Variants in TRPC5 observed in about 807,000 individuals in gnomAD.
The protein encoded by TRPC5 is short transient receptor potential channel 5.
TRPC5 carries 9 observed loss-of-function variants against 56.5 expected under a neutral mutation model. The observed-to-expected ratio is 0.16, with a 90% CI of 0.10 to 0.28. TRPC5 has a LOEUF of 0.28. Ranked by LOEUF, TRPC5 falls within the 10% of genes least tolerant of loss-of-function variation. TRPC5 has a pLI of 1.00. For missense variants in TRPC5, 469 were observed against 748.9 expected, an observed-to-expected ratio of 0.63 and a Z score of 4.36; for synonymous variants, 282 against 278.5, an observed-to-expected ratio of 1.01 and a Z score of -0.13.
intron 7 of TRPC5, among the ~76,000 whole-genome samples, chrX:111,801,164 T>A (rs1002717468): frequency 6.2e-5 from 7 of 112,254 alleles, no homozygotes; most frequent in Non-Finnish European, 1.3e-4. Context: ...GTCCCTTGTG[T>A]GTGTATTCTT....
chrX:111,919,222 A>G (rs1311013855), intron 2 of TRPC5, among the ~76,000 whole-genome samples: 1 of 111,455 alleles, frequency 9.0e-6, no homozygotes, highest in African/African-American at 3.3e-5. Context: ...CACCAATCGG[A>G]ACTCTGTAGC....
chrX:112,023,073 T>G (rs776699556), intron 1 of TRPC5, among the ~76,000 whole-genome samples: 1 of 109,452 alleles, frequency 9.1e-6, no homozygotes, highest in South Asian at 4.0e-4. Flanking sequence ...TAGCTGGGAC[T>G]ACAGGCACCC....
intron 2 of TRPC5, among the ~76,000 whole-genome samples, chrX:111,944,268 G>GTT: frequency 4.8e-5 from 1 of 21,033 alleles, no homozygotes; most frequent in African/African-American, 1.5e-4. Flanking sequence ...GAGTAGAAGA[G>GTT]TGTGTGTGTG....
intron 1 of TRPC5, among the ~76,000 whole-genome samples, chrX:111,983,357 T>C (rs189338952): frequency 5.4e-5 from 6 of 111,465 alleles, no homozygotes; most frequent in South Asian, 3.9e-4. Flanking sequence ...TTGGTGATGA[T>C]GGAAGTGGCT....
intron 1 of TRPC5, among the ~76,000 whole-genome samples, chrX:111,970,326 G>T (rs749918681): frequency 2.7e-5 from 3 of 110,867 alleles, no homozygotes; most frequent in Non-Finnish European, 5.7e-5. Flanking sequence ...TTTGTTTCTC[G>T]GCCCCAGAGA....
At chrX:111,872,545 A>T (rs1923796333) in intron 3 of TRPC5, among the ~76,000 whole-genome samples, 1 of 111,920 alleles carries the variant, frequency 8.9e-6, no homozygotes, top group Non-Finnish European at 1.9e-5. Context: ...AGAATTTTTC[A>T]TTGAGAAAGA....
intron 1 of TRPC5, among the ~76,000 whole-genome samples, chrX:112,064,732 G>A (rs1331733077): frequency 8.9e-6 from 1 of 112,415 alleles, no homozygotes; most frequent in Non-Finnish European, 1.9e-5. Context: ...GACCTACAGA[G>A]TTTCCTTTCA....
chrX:111,851,510 GGTGTGTGTGTGT>G (rs563243659), intron 5 of TRPC5, among the ~76,000 whole-genome samples: 1 of 99,061 alleles, frequency 1.0e-5, no homozygotes, highest in African/African-American at 3.7e-5. Flanking sequence ...GTATTAAGGT[GGTGTGTGTGTGT>G]GTGTGTGTGT....
intron 3 of TRPC5, among the ~76,000 whole-genome samples, chrX:111,859,507 T>C (rs974565668): frequency 2.7e-5 from 3 of 112,434 alleles, no homozygotes; most frequent in Non-Finnish European, 5.6e-5. Context: ...AACTCTGTTA[T>C]ATAGAAGGAA....
At chrX:111,836,110 CA>C (rs1445324834) in intron 6 of TRPC5, among the ~76,000 whole-genome samples, 3 of 111,660 alleles carry the variant, frequency 2.7e-5, no homozygotes, top group Non-Finnish European at 5.6e-5. Flanking sequence ...TCTGCCCTTC[CA>C]AAACCACTAT....
At chrX:111,830,996 A>G (rs1922391427) in intron 7 of TRPC5, among the ~76,000 whole-genome samples, 1 of 112,360 alleles carries the variant, frequency 8.9e-6, no homozygotes, top group Non-Finnish European at 1.9e-5. Context: ...CTTCATATTA[A>G]TAGTCTTGAG....
At position 111,842,095 on chromosome X, in the gene TRPC5, A is replaced by G. The variant is rs1480416053; in HGVS notation, c.1700+5019T>C. On this transcript the variant is annotated intron_variant, in intron 6 of 10. Transcript: ENST00000262839. ...TATCTATCTATGTGTGTGTGTATAT[A>G]TGTATGTGTGTATATATATATATTT... Among the ~76,000 whole-genome samples the G allele has an allele frequency of 1.1e-4, 10 of 93,243 alleles. No homozygotes were observed. The East Asian group carries it at 3.0e-3, about 28-fold the overall frequency. 81.0% of individuals were successfully genotyped at this position (93,243 alleles called of 115,157 possible). A position where few individuals can be genotyped will look rare whatever the true frequency, so the allele number is the denominator to read the frequency against.
At chrX:111,822,129 T>C (rs761310030) in intron 7 of TRPC5, among the ~76,000 whole-genome samples, 19 of 111,998 alleles carry the variant, frequency 1.7e-4, no homozygotes, top group African/African-American at 5.2e-4. Flanking sequence ...CCTGATTCTT[T>C]GCAAAACTGT....
chrX:112,039,281 AG>A (rs1274666131), intron 1 of TRPC5, among the ~76,000 whole-genome samples: 2 of 111,300 alleles, frequency 1.8e-5, no homozygotes, highest in East Asian at 5.6e-4. Flanking sequence ...TAGCTGAGGG[AG>A]GGCTATAATT....
intron 7 of TRPC5, among the ~76,000 whole-genome samples, chrX:111,822,067 T>C (rs1325443749): frequency 9.0e-6 from 1 of 111,522 alleles, no homozygotes; most frequent in Non-Finnish European, 1.9e-5. Context: ...TGGGTAATTG[T>C]TATTTTATGT....
chrX:111,805,237 G>A (rs184426685), intron 7 of TRPC5, among the ~76,000 whole-genome samples: 25 of 112,026 alleles, frequency 2.2e-4, no homozygotes, highest in African/African-American at 8.1e-4. Flanking sequence ...TTGATGTGCT[G>A]CTGGATTTGG....
At chrX:111,999,674 T>C (rs978780447) in intron 1 of TRPC5, among the ~76,000 whole-genome samples, 1 of 112,021 alleles carries the variant, frequency 8.9e-6, no homozygotes, top group African/African-American at 3.2e-5. Flanking sequence ...GAATTGTAAT[T>C]AGAGTATCTG....
At chrX:111,962,047 A>G (rs112843599) in intron 1 of TRPC5, among the ~76,000 whole-genome samples, 95 of 107,038 alleles carry the variant, frequency 8.9e-4, no homozygotes, top group African/African-American at 3.1e-3. Flanking sequence ...ACACACATGA[A>G]CATAAAGATG....
intron 7 of TRPC5, among the ~76,000 whole-genome samples, chrX:111,824,317 A>G (rs960090986): frequency 2.7e-5 from 3 of 110,712 alleles, no homozygotes; most frequent in African/African-American, 9.9e-5. Context: ...AATGTAGTCA[A>G]TAACAGTACC....
Sources: allele counts gnomAD v4.1 joint callset (sites outside exome capture counted in the v4.1 genomes callset), GRCh38; gene constraint gnomAD v4.1.1; transcripts MANE v1.5; gene names NCBI Gene and HGNC (gene_info 2026-07-23, HGNC 2026-07-21).